CUL4A: variants seen among roughly 807,000 people sequenced by gnomAD.
The protein encoded by CUL4A is cullin 4A.
Under a neutral mutation model 95.5 loss-of-function variants are expected in CUL4A, and 16 were observed. The ratio of observed to expected loss-of-function variants is 0.17; its 90% CI spans 0.11 to 0.25. The LOEUF (loss-of-function observed/expected upper bound fraction) is 0.25, where lower values mean the gene tolerates loss of function less well. CUL4A is among the 10% of genes least tolerant of loss of function. The pLI, the probability that CUL4A is intolerant of heterozygous loss-of-function variation, is 1.00. For synonymous variants in CUL4A, 380 were observed against 353.1 expected (o/e 1.08, Z -0.85); for missense variants, 610 against 937.0 (o/e 0.65, Z 4.56).
rs3794423 is a variant in CUL4A at position 113,239,573 on chromosome 13, C to T, written c.1035+22C>T. On this transcript the variant is annotated intron_variant, in intron 10 of 19. Coordinates refer to ENST00000375440, the MANE Select transcript of CUL4A (RefSeq NM_001008895.4). ...CAAGGTACTGGCGGGGTTTTGAGGC[C>T]GCGGGCGTGGGCATTCCCTGCAGGG... 15,285 of 1,574,708 alleles carry T rather than the reference C, an allele frequency of 9.7e-3. 1,047 individuals are homozygous for T. The East Asian group carries it at 0.18, about 18-fold the overall frequency.
Position 113,266,984 on chromosome 13 carries a change from G to A in CUL4A, c.*3402G>A, listed in dbSNP as rs1295257899. 3 of 152,028 alleles carry A rather than the reference G, an allele frequency of 2.0e-5. No homozygotes were observed. Among genetic ancestry groups the A allele is most frequent in the African/African-American group, 7.2e-5 (3 of 41,396 alleles). 9.4% of individuals were successfully genotyped at this position (152,028 alleles called of 1,614,324 possible). On this transcript the variant is annotated 3_prime_UTR_variant, in exon 20 of 20. Transcript: ENST00000375440. ...ATCACCTCAAATACTTAACATTTTT[G>A]TAGTGAGAACATCTGAAATTTACTC...
chr13:113,256,507 A>G (rs2042122899), intron 18 of CUL4A, among the ~76,000 whole-genome samples: 1 of 152,206 alleles, frequency 6.6e-6, no homozygotes, highest in Admixed American at 6.5e-5. Flanking sequence ...AGATTTCACC[A>G]GAGCACAGTG....
chr13:113,215,043 CTTGTCT>C lies in CUL4A; in HGVS notation c.265-3901_265-3896del, dbSNP rs1329863428. Among the ~76,000 whole-genome samples the C allele has an allele frequency of 3.9e-3, 563 of 145,758 alleles. 1 individual carries two copies. Among genetic ancestry groups the C allele is most frequent in the Middle Eastern group, 0.02 (5 of 248 alleles). On this transcript the variant is annotated intron_variant, in intron 2 of 19. Coordinates refer to ENST00000375440, the MANE Select transcript of CUL4A (RefSeq NM_001008895.4). Reference sequence around the variant, plus strand: ...TCTCGTCCTTTGTGGCTGTGGACGTCTTGTCTATGTGACTGTGGAGGTTGCTGTGTG... The same window carrying C: ...TCTCGTCCTTTGTGGCTGTGGACGTCATGTGACTGTGGAGGTTGCTGTGTG...
At chr13:113,210,799 CTT>C (rs66928505) in intron 2 of CUL4A, among the ~76,000 whole-genome samples, 99,963 of 151,890 alleles carry the variant, frequency 0.66, 33,891 homozygotes, top group Middle Eastern at 0.79. Flanking sequence ...ATTAAAAAAA[CTT>C]TTTTTCTGGA....
intron 7 of CUL4A, 146 bp downstream of exon 7, chr13:113,234,132 A>G: frequency 8.8e-6 from 5 of 568,474 alleles, no homozygotes; most frequent in Non-Finnish European, 1.6e-5. Context: ...CAGAATCCCC[A>G]GTAATGAGCT....
Position 113,233,878 on chromosome 13 carries a change from A to T in CUL4A, c.676-19A>T. 7.6e-7 allele frequency: 1 copy of T among 1,319,886 alleles called. No individual in the cohort carries two copies. Among genetic ancestry groups the T allele is most frequent in the Non-Finnish European group, 1.1e-6 (1 of 913,522 alleles). The allele number at this position is 1,319,886 out of a possible 1,614,324, so 81.8% of individuals were successfully genotyped here. A position where few individuals can be genotyped will look rare whatever the true frequency, so the allele number is the denominator to read the frequency against. ...GTTTCCTTTACTGAAATTGGTCAGT[A>T]ACTCTGCTTGTTTCTTAGGTGTATA... On this transcript the variant is annotated intron_variant, in intron 6 of 19. Coordinates refer to ENST00000375440, the MANE Select transcript of CUL4A (RefSeq NM_001008895.4).
upstream of CUL4A, chr13:113,208,262 T>G (rs1461189457): frequency 2.1e-6 from 3 of 1,445,234 alleles, no homozygotes. Context: ...GCCCTCGGCG[T>G]GGCCCGCAGG....
chr13:113,251,866 G>A (rs1340286930), intron 15 of CUL4A, among the ~76,000 whole-genome samples: 1 of 152,204 alleles, frequency 6.6e-6, no homozygotes, highest in Non-Finnish European at 1.5e-5. Context: ...AAGACGTATA[G>A]GTGGATGCTG....
At chr13:113,250,468 A>G (rs2041966082) in intron 15 of CUL4A, among the ~76,000 whole-genome samples, 1 of 152,184 alleles carries the variant, frequency 6.6e-6, no homozygotes, top group African/African-American at 2.4e-5. Context: ...CAAAAAAAGA[A>G]AATAAAATAG....
At chr13:113,210,209 C>T (rs1048676754) in intron 2 of CUL4A, 121 bp downstream of exon 2, 5 of 603,946 alleles carry the variant, frequency 8.3e-6, no homozygotes, top group African/African-American at 5.9e-5. Context: ...GGGCGTTTGC[C>T]TCCACTGCAG....
rs1179956748 is a variant in CUL4A at position 113,260,293 on chromosome 13, G to A, written c.2032-314G>A. Among the ~76,000 whole-genome samples, 18 of 150,358 alleles carry A rather than the reference G, an allele frequency of 1.2e-4. No individual in the cohort carries two copies. The Admixed American group carries it at 1.2e-3, about 10-fold the overall frequency. On this transcript the variant is annotated intron_variant, in intron 18 of 19. Coordinates refer to ENST00000375440, the MANE Select transcript of CUL4A (RefSeq NM_001008895.4). ...AGGCCAGGTGTGGTAGCTCACACCT[G>A]TAATCCCAGCACTTTGGGAGGCCAA... is the stretch of plus-strand genomic sequence containing the variant.
intron 2 of CUL4A, among the ~76,000 whole-genome samples, chr13:113,214,221 G>A (rs2040560428): frequency 6.6e-6 from 1 of 152,154 alleles, no homozygotes; most frequent in Non-Finnish European, 1.5e-5. Flanking sequence ...CTGGCCTGTT[G>A]TTTCTGTTTG....
chr13:113,220,441 G>C (rs1382581287), intron 3 of CUL4A, among the ~76,000 whole-genome samples: 3 of 152,192 alleles, frequency 2.0e-5, no homozygotes, highest in Admixed American at 6.6e-5. Context: ...CTTATCTCAG[G>C]AGGCGCCTGT....
rs183455854 is a variant in CUL4A, at chr13:113,239,474, G to A, written c.958G>A (p.Ala320Thr). The A allele has an allele frequency of 7.4e-5, 119 of 1,613,896 alleles. No homozygotes were observed. The highest frequency in any genetic ancestry group is 3.3e-5 in the South Asian group (3 of 90,988). Residue 320 changes from alanine (A) to threonine (T), a missense_variant, in exon 10 of 20, where the codon GCA becomes ACA. By Grantham distance (58) the Ala-to-Thr change is moderately conservative. This residue lies in a region of CUL4A where 153 missense variants were observed against 244.5 expected (regional missense o/e 0.63). Transcript: ENST00000375440. The stretch of plus-strand genomic sequence containing the variant: ...GGATGAGAACAGAGTGCCGGACCTC[G>A]CACAGATGTACCAGCTGTTCAGCCG... ...LLDENRVPDL[A>T]QMYQLFSRVR...
At chr13:113,227,123 G>C (rs1464977693) in intron 3 of CUL4A, among the ~76,000 whole-genome samples, 1 of 152,226 alleles carries the variant, frequency 6.6e-6, no homozygotes, top group African/African-American at 2.4e-5. Flanking sequence ...AGGGAAAGCA[G>C]CACAGGCAAG....
intron 9 of CUL4A, among the ~76,000 whole-genome samples, chr13:113,237,141 C>T (rs2041571371): frequency 6.6e-6 from 1 of 152,170 alleles, no homozygotes; most frequent in African/African-American, 2.4e-5. Context: ...CCCGGCAGAC[C>T]TTCTGTACCA....
In CUL4A at chr13:113,209,772, C is replaced by T; in HGVS notation, c.145C>T (p.Arg49Ter). 8.5e-7 allele frequency: 1 copy of T among 1,178,208 alleles called. No homozygotes were observed. Among genetic ancestry groups the T allele is most frequent in the Non-Finnish European group, 1.0e-6 (1 of 953,664 alleles). 73.0% of individuals were successfully genotyped at this position (1,178,208 alleles called of 1,614,324 possible). A position where few individuals can be genotyped will look rare whatever the true frequency, so the allele number is the denominator to read the frequency against. The change falls in exon 1 of 20, where the codon CGA becomes TGA. Residue 49 changes from arginine (R) to a stop codon, truncating the protein, a stop_gained. Coordinates refer to ENST00000375440, the MANE Select transcript of CUL4A (RefSeq NM_001008895.4). LOFTEE classifies it high-confidence loss of function. ...CAAGAAGCTGGTCATCAAGAACTTC[C>T]GAGGTGGGTGCGGCGGCCGGGTCGA... ...GSKKLVIKNF[R>*]DRPRLPDNYT...
chr13:113,230,018 C>T (rs2139169369), intron 5 of CUL4A: 1 of 239,524 alleles, frequency 4.2e-6, no homozygotes, highest in Non-Finnish European at 8.0e-6. Flanking sequence ...GCGTTCGCGG[C>T]CACGGACCCC....
At chr13:113,243,589 T>A (rs932202149) in intron 11 of CUL4A, among the ~76,000 whole-genome samples, 11 of 148,852 alleles carry the variant, frequency 7.4e-5, no homozygotes, top group African/African-American at 2.5e-4. Flanking sequence ...GTCAGTAAAA[T>A]TTTTTTTTTA....
Sources: gnomAD v4.1 joint callset for allele counts (sites outside exome capture counted in the v4.1 genomes callset) on GRCh38, gnomAD v4.1.1 for gene constraint, gnomAD v4.1.1 regional missense constraint, MANE v1.5 for transcripts, NCBI Gene and HGNC (gene_info 2026-07-23, HGNC 2026-07-21) for gene names.